CDT1: variants seen among roughly 807,000 people sequenced by gnomAD.
CDT1 encodes DNA replication factor Cdt1.
In CDT1, 66 loss-of-function variants were observed where a neutral mutation model predicts 49.3. The ratio of observed to expected loss-of-function variants is 1.34; its 90% CI spans 1.10 to 1.64. The LOEUF is 1.64. Ranked by LOEUF, CDT1 falls within the 40% of genes most tolerant of loss-of-function variation. CDT1 has a pLI of 0.00. For missense variants in CDT1, 958 were observed against 807.7 expected, an observed-to-expected ratio of 1.19 and a Z score of -2.26; for synonymous variants, 424 against 347.4, an observed-to-expected ratio of 1.22 and a Z score of -2.45.
At chr16:88,804,123 AG>A (rs1326071479) in intron 1 of CDT1, 64 bp downstream of exon 1, 1 of 956,646 alleles carries the variant, frequency 1.0e-6, no homozygotes, top group Admixed American at 4.4e-5. Flanking sequence ...CCCGGGGGGC[AG>A]GGCTCGGGGA....
In CDT1 at chr16:88,807,267, G is replaced by A. The variant is rs201019048; in HGVS notation, c.1276-14G>A. On this transcript the variant is annotated splice_polypyrimidine_tract_variant and intron_variant, in intron 8 of 9. Coordinates refer to ENST00000301019, the MANE Select transcript of CDT1 (RefSeq NM_030928.4). ...ACCTGCTGCCCACTAACCAGGTCCC[G>A]GTACCTGCTGCAGATCCGAGCCAAG... The A allele has an allele frequency of 3.0e-5, 49 of 1,611,642 alleles. No homozygotes were observed. Among genetic ancestry groups the A allele is most frequent in the South Asian group, 2.1e-4 (19 of 91,062 alleles).
intron 3 of CDT1, 152 bp from the exon 4 acceptor site, chr16:88,805,288 G>A (rs866185239): frequency 7.9e-6 from 7 of 886,960 alleles, no homozygotes; most frequent in Non-Finnish European, 9.0e-6. Context: ...ACCCCTAACG[G>A]TGCCAGTGCT....
At chr16:88,806,976 CG>C in intron 7 of CDT1, 74 bp from the exon 8 acceptor site, 1 of 1,576,350 alleles carries the variant, frequency 6.3e-7, no homozygotes, top group African/African-American at 1.3e-5. Context: ...TGAGAGATAC[CG>C]GGGACTCCTG....
rs760767136 is a variant in CDT1, at chr16:88,804,751, T to TC, written c.352-6dup. On this transcript the variant is annotated splice_polypyrimidine_tract_variant and intron_variant, in intron 2 of 9. Coordinates refer to ENST00000301019, the MANE Select transcript of CDT1 (RefSeq NM_030928.4). ...TGCCTGACGGCACCGTGTCCCCTGA[T>TC]CCCCCTGAAGGACACCATCTCTGAG... 5.0e-6 allele frequency: 8 copies of TC among 1,612,704 alleles called. No individual in the cohort carries two copies. The South Asian group carries it at 8.8e-5, about 18-fold the overall frequency.
rs1019450019 is a variant in CDT1, at chr16:88,803,813, C to G, written c.-19C>G. The G allele has an allele frequency of 6.6e-7, 1 of 1,508,028 alleles. No homozygotes were observed. The highest frequency in any genetic ancestry group is 8.9e-7 in the Non-Finnish European group (1 of 1,126,700). 93.4% of individuals were successfully genotyped at this position (1,508,028 alleles called of 1,614,324 possible). A position where few individuals can be genotyped will look rare whatever the true frequency, so the allele number is the denominator to read the frequency against. On this transcript the variant is annotated 5_prime_UTR_variant, in exon 1 of 10. Coordinates refer to ENST00000301019, the MANE Select transcript of CDT1 (RefSeq NM_030928.4). Reference sequence around the variant, plus strand: ...CCTCCCTTCCTTCTTTCCTTGCTTTCGCCGCGCACTCCGCCGCCATGGAGC... The same window carrying G: ...CCTCCCTTCCTTCTTTCCTTGCTTTGGCCGCGCACTCCGCCGCCATGGAGC...
rs372182503 is a variant in CDT1, at chr16:88,806,576, G to A, written c.1024G>A (p.Asp342Asn). The change falls in exon 7 of 10, where the codon GAC becomes AAC. Residue 342 changes from aspartate (D) to asparagine (N), a missense_variant. Physicochemically the swap from Asp to Asn is conservative, Grantham distance 23. Transcript: ENST00000301019. ...GCGCTTCAACGTGGATGAAGTACCCGACATCGAGCCGGCCGCGCTGCCCCA... is the reference window on the plus strand; with the variant it reads ...GCGCTTCAACGTGGATGAAGTACCCAACATCGAGCCGGCCGCGCTGCCCCA... ...HPRFNVDEVP[D>N]IEPAALPQPP... is the part of the protein sequence containing the mutation. The A allele has an allele frequency of 2.2e-5, 35 of 1,608,630 alleles. No homozygotes were observed. In the East Asian group the frequency reaches 4.7e-4, roughly 22 times the overall value.
chr16:88,806,948 C>T lies in CDT1; in HGVS notation c.1123-103C>T. On this transcript the variant is annotated intron_variant, in intron 7 of 9. Transcript: ENST00000301019. ...TGACCGGCACAGACCACCCAGTGTG[C>T]TGGGTGAACTTGTGCCTTGAGAGAT... 2.0e-6 allele frequency: 3 copies of T among 1,473,782 alleles called. No homozygotes were observed. In the South Asian group the frequency reaches 3.4e-5, roughly 17 times the overall value. 91.3% of individuals were successfully genotyped at this position (1,473,782 alleles called of 1,614,324 possible).
In CDT1 at chr16:88,803,983, C is replaced by T. The variant is rs1242551965; in HGVS notation, c.152C>T (p.Ala51Val). 2.1e-6 allele frequency: 3 copies of T among 1,430,758 alleles called. No homozygotes were observed. The highest frequency in any genetic ancestry group is 2.7e-6 in the Non-Finnish European group (3 of 1,095,772). 88.6% of individuals were successfully genotyped at this position (1,430,758 alleles called of 1,614,324 possible). Residue 51 changes from alanine to valine, a missense_variant, in exon 1 of 10, where the codon GCC (alanine) becomes GTC (valine). Coordinates refer to ENST00000301019, the MANE Select transcript of CDT1 (RefSeq NM_030928.4). ...GCTACCAGTGGCAGCCGCAAGCGCG[C>T]CCGCCCGCCCGCCGCCCCCGGACGC... ...ASATSGSRKRARPPAAPGRDQ... is the reference protein window; with the variant it reads ...ASATSGSRKRVRPPAAPGRDQ...
chr16:88,804,986 C>G (rs1908796093), intron 3 of CDT1, 88 bp downstream of exon 3: 8 of 1,488,370 alleles, frequency 5.4e-6, no homozygotes, highest in Non-Finnish European at 6.3e-6. Context: ...AGGCCCAGGT[C>G]TGCTCCTTCC....
intron 9 of CDT1, among the ~76,000 whole-genome samples, chr16:88,807,797 CTG>C (rs1908923711): frequency 6.6e-6 from 1 of 152,236 alleles, no homozygotes; most frequent in South Asian, 2.1e-4. Flanking sequence ...TCCCAGGCCT[CTG>C]GTGACCAGGC....
Position 88,807,312 on chromosome 16 carries a change from C to A in CDT1, c.1307C>A (p.Ala436Glu). Residue 436 changes from alanine (A) to glutamate (E), a missense_variant, in exon 9 of 10, where the codon GCA becomes GAA. Coordinates refer to ENST00000301019, the MANE Select transcript of CDT1 (RefSeq NM_030928.4). ...GCCAAGGAGGCACAGAAGCAGCTGG[C>A]ACAGATGACGCGGTGCCCGGAGCAG... Reference protein sequence around the residue: ...IRAKEAQKQLAQMTRCPEQEQ... With the variant: ...IRAKEAQKQLEQMTRCPEQEQ... 6.2e-7 allele frequency: 1 copy of A among 1,612,460 alleles called. No homozygotes were observed. Among genetic ancestry groups the A allele is most frequent in the African/African-American group, 1.3e-5 (1 of 75,064 alleles).
intron 2 of CDT1, 28 bp from the exon 3 acceptor site, chr16:88,804,734 G>GA (rs772669427): frequency 1.5e-5 from 24 of 1,612,628 alleles, no homozygotes; most frequent in African/African-American, 2.7e-5. Context: ...CCTGCCTGAC[G>GA]GCACCGTGTC....
intron 9 of CDT1, 139 bp from the exon 10 acceptor site, chr16:88,807,976 C>T (rs1276911229): frequency 7.6e-6 from 7 of 923,266 alleles, no homozygotes; most frequent in South Asian, 7.1e-5. Context: ...TCAGAACCAC[C>T]TCTGCCCTAA....
intron 7 of CDT1, 28 bp from the exon 8 acceptor site, chr16:88,807,022 CT>C (rs771243917): frequency 3.1e-6 from 5 of 1,612,726 alleles, no homozygotes; most frequent in Non-Finnish European, 4.2e-6. Context: ...ATCTTGTGAC[CT>C]CTCCAGTCCA....
rs753974618 is a variant in CDT1 at position 88,808,112 on chromosome 16, C to G, written c.1478-3C>G. 1.1e-5 allele frequency: 18 copies of G among 1,612,080 alleles called. No individual in the cohort carries two copies. The African/African-American group carries it at 2.4e-4, about 22-fold the overall frequency. On this transcript the variant is annotated splice_region_variant and splice_polypyrimidine_tract_variant and intron_variant, in intron 9 of 9. Transcript: ENST00000301019. The stretch of plus-strand genomic sequence containing the variant: ...GCCTCAGTGTCCTCCTCTCCTCCCC[C>G]AGGGGAAATGGAGAAGCACCTGCTG...
Position 88,808,287 on chromosome 16 carries a change from GC to G in CDT1, c.*11del. On this transcript the variant is annotated 3_prime_UTR_variant, in exon 10 of 10. Transcript: ENST00000301019. ...CTGAGGAGGGGCTGTGAGCCTGGGG[GC>G]CACTGTGGACAGACGTGGGCTTCAG... 3.8e-6 allele frequency: 6 copies of G among 1,577,646 alleles called. No individual in the cohort carries two copies. Among genetic ancestry groups the G allele is most frequent in the Non-Finnish European group, 5.2e-6 (6 of 1,162,138 alleles).
rs982351786 is a variant in CDT1, at chr16:88,805,970, G to T, written c.833-51G>T. On this transcript the variant is annotated intron_variant, in intron 5 of 9. Transcript: ENST00000301019. ...GCATCTGGCCCAGGACTGGTCACGG[G>T]TGGGTGGCTGGGTGGCCTGGTGGGG... The T allele has an allele frequency of 1.4e-5, 22 of 1,578,140 alleles. No homozygotes were observed. In the African/African-American group the frequency reaches 2.3e-4, roughly 16 times the overall value.
chr16:88,808,899 G>C lies in CDT1; in HGVS notation c.*621G>C, dbSNP rs1908981681. The stretch of plus-strand genomic sequence containing the variant: ...TCGTCCCAGCTACTAGGGAGGCTGA[G>C]GCAGGAGAATGGTGTGAACCCAGGA... On this transcript the variant is annotated 3_prime_UTR_variant, in exon 10 of 10. Transcript: ENST00000301019. 6.2e-6 allele frequency: 1 copy of C among 160,396 alleles called. No individual in the cohort carries two copies. The highest frequency in any genetic ancestry group is 2.4e-5 in the African/African-American group (1 of 41,596). The allele number at this position is 160,396 out of a possible 1,614,324, so 9.9% of individuals were successfully genotyped here. A position where few individuals can be genotyped will look rare whatever the true frequency, so the allele number is the denominator to read the frequency against.
Position 88,807,381 on chromosome 16 carries a change from G to C in CDT1, c.1376G>C (p.Arg459Pro), listed in dbSNP as rs751213474. 38 of 1,612,558 alleles carry C rather than the reference G, an allele frequency of 2.4e-5. No homozygotes were observed. Among genetic ancestry groups the C allele is most frequent in the Non-Finnish European group, 5.1e-6 (6 of 1,179,966 alleles). The change falls in exon 9 of 10, where the codon CGC becomes CCC. Residue 459 changes from arginine to proline, a missense_variant. Arg to Pro is a moderately radical substitution (Grantham distance 103). Coordinates refer to ENST00000301019, the MANE Select transcript of CDT1 (RefSeq NM_030928.4). Reference protein sequence around the residue: ...QRLERLPELARVLRSVFVSER... With the variant: ...QRLERLPELAPVLRSVFVSER... ...TTAGAACGGCTGCCTGAGCTGGCCC[G>C]CGTGCTGCGGAGCGTCTTTGTGTCC... is the stretch of plus-strand genomic sequence containing the variant.
Sources: gnomAD v4.1 joint callset for allele counts (sites outside exome capture counted in the v4.1 genomes callset) on GRCh38, gnomAD v4.1.1 for gene constraint, MANE v1.5 for transcripts, NCBI Gene and HGNC (gene_info 2026-07-23, HGNC 2026-07-21) for gene names.